CTNND2: variants seen among roughly 807,000 people sequenced by gnomAD.
CTNND2 encodes the protein catenin delta 2.
Under a neutral mutation model 144.4 loss-of-function variants are expected in CTNND2, and 22 were observed. The observed-to-expected ratio is 0.15, with a 90% confidence interval of 0.11 to 0.22. CTNND2 has a LOEUF of 0.22. CTNND2 is among the 10% of genes least tolerant of loss of function. The probability of loss-of-function intolerance (pLI) is 1.00; values close to 1 mark genes in which losing one functional copy is unlikely to be tolerated. For synonymous variants in CTNND2, 751 were observed against 695.6 expected (o/e 1.08, Z -1.25); for missense variants, 1,353 against 1,618.8 (o/e 0.84, Z 2.82).
At chr5:11,213,932 T>G (rs951749934) in intron 10 of CTNND2, among the ~76,000 whole-genome samples, 1 of 152,228 alleles carries the variant, frequency 6.6e-6, no homozygotes, top group Non-Finnish European at 1.5e-5. Flanking sequence ...TTCTCCTCCT[T>G]CCCTCACCAA....
intron 1 of CTNND2, among the ~76,000 whole-genome samples, chr5:11,761,326 AT>A (rs1199073277): frequency 6.6e-6 from 1 of 152,176 alleles, no homozygotes; most frequent in Non-Finnish European, 1.5e-5. Context: ...TCATTATCTA[AT>A]TTCTGTGTAC....
intron 3 of CTNND2, among the ~76,000 whole-genome samples, chr5:11,495,941 C>G (rs1217263185): frequency 2.0e-5 from 3 of 152,172 alleles, no homozygotes; most frequent in African/African-American, 7.2e-5. Context: ...ACAAGAGGAC[C>G]TGTGTATCTG....
chr5:11,898,757 A>G (rs951490563), intron 1 of CTNND2, among the ~76,000 whole-genome samples: 6 of 152,236 alleles, frequency 3.9e-5, no homozygotes, highest in Non-Finnish European at 7.3e-5. Flanking sequence ...CTGGTAACTT[A>G]TAATTGGCAG....
chr5:11,577,233 G>A (rs563420645), intron 2 of CTNND2, among the ~76,000 whole-genome samples: 4 of 152,224 alleles, frequency 2.6e-5, no homozygotes, highest in African/African-American at 9.6e-5. Flanking sequence ...TAAAACAGCA[G>A]TAGGGCAACA....
chr5:11,510,972 G>C (rs947778750), intron 3 of CTNND2, among the ~76,000 whole-genome samples: 1 of 151,882 alleles, frequency 6.6e-6, no homozygotes, highest in African/African-American at 2.4e-5. Context: ...TATTTCTCTA[G>C]CTTTCATCAC....
intron 12 of CTNND2, among the ~76,000 whole-genome samples, chr5:11,119,554 G>A: frequency 6.6e-6 from 1 of 152,186 alleles, no homozygotes; most frequent in East Asian, 1.9e-4. Flanking sequence ...GTGGTGACAG[G>A]CATTTGGATA....
intron 3 of CTNND2, among the ~76,000 whole-genome samples, chr5:11,507,841 G>A (rs1475794433): frequency 6.6e-6 from 1 of 152,156 alleles, no homozygotes; most frequent in East Asian, 1.9e-4. Flanking sequence ...CAAAAATGGA[G>A]TGGCATGTTC....
chr5:11,592,506 A>G (rs1295132294), intron 2 of CTNND2, among the ~76,000 whole-genome samples: 2 of 152,128 alleles, frequency 1.3e-5, no homozygotes, highest in African/African-American at 4.8e-5. Flanking sequence ...GTTTCCAGGA[A>G]AGAAGTACAA....
rs1017499541 is a variant in CTNND2, at chr5:11,831,066, A to C, written c.37+72751T>G. On this transcript the variant is annotated intron_variant, in intron 1 of 21. Coordinates refer to ENST00000304623, the MANE Select transcript of CTNND2 (RefSeq NM_001332.4). Reference sequence around the variant, plus strand: ...AGAGTATGTTTGTGTGTGTGTGTTTATGTGTGTCTGCTGGGTTGGAAGACT... The same window carrying C: ...AGAGTATGTTTGTGTGTGTGTGTTTCTGTGTGTCTGCTGGGTTGGAAGACT... 5.3e-5 allele frequency among the ~76,000 whole-genome samples: 8 copies of C among 152,194 alleles called. No homozygotes were observed. In the East Asian group the frequency reaches 1.5e-3, roughly 29 times the overall value.
intron 9 of CTNND2, among the ~76,000 whole-genome samples, chr5:11,284,688 T>C (rs904523462): frequency 4.6e-5 from 7 of 152,364 alleles, no homozygotes; most frequent in Admixed American, 4.6e-4. Context: ...GTTGATTCCA[T>C]GTCTTTGCTA....
At chr5:11,605,832 G>A (rs983743538) in intron 2 of CTNND2, among the ~76,000 whole-genome samples, 18 of 152,110 alleles carry the variant, frequency 1.2e-4, no homozygotes, top group African/African-American at 4.1e-4. Flanking sequence ...GAATTCTAAA[G>A]ATGTCCCCCG....
intron 11 of CTNND2, among the ~76,000 whole-genome samples, chr5:11,163,900 T>G (rs773444614): frequency 7.9e-5 from 12 of 152,226 alleles, no homozygotes; most frequent in Non-Finnish European, 1.2e-4. Flanking sequence ...TATTTCCAAC[T>G]GCTGCCTTAA....
intron 1 of CTNND2, among the ~76,000 whole-genome samples, chr5:11,758,696 T>C (rs945478980): frequency 2.0e-5 from 3 of 152,082 alleles, no homozygotes; most frequent in Non-Finnish European, 4.4e-5. Flanking sequence ...TAAACAGGTT[T>C]AAATTATCAT....
At chr5:11,015,546 T>C (rs985669687) in intron 18 of CTNND2, among the ~76,000 whole-genome samples, 6 of 152,156 alleles carry the variant, frequency 3.9e-5, no homozygotes, top group Non-Finnish European at 7.4e-5. Flanking sequence ...TTCATGGAAA[T>C]AGACAGACAA....
intron 2 of CTNND2, among the ~76,000 whole-genome samples, chr5:11,717,573 T>TA (rs1786423001): frequency 7.6e-6 from 1 of 132,242 alleles, no homozygotes; most frequent in African/African-American, 2.9e-5. Flanking sequence ...CAAGAGACTG[T>TA]GAAAAAAAAA....
chr5:11,588,847 C>T (rs968039169), intron 2 of CTNND2: 2 of 985,294 alleles, frequency 2.0e-6, no homozygotes, highest in Middle Eastern at 1.0e-3. Context: ...CTTCCCCAGG[C>T]TGTGGAGCAG....
intron 9 of CTNND2, among the ~76,000 whole-genome samples, chr5:11,320,245 G>C (rs1489598395): frequency 6.6e-6 from 1 of 152,154 alleles, no homozygotes. Context: ...GTGGTTGGCA[G>C]GTTTTGACAG....
chr5:11,635,223 G>C (rs1011543058), intron 2 of CTNND2, among the ~76,000 whole-genome samples: 1 of 152,088 alleles, frequency 6.6e-6, no homozygotes, highest in South Asian at 2.1e-4. Context: ...AGATTTAGAA[G>C]AATATGGAAC....
chr5:11,898,782 C>T (rs895587281), intron 1 of CTNND2, among the ~76,000 whole-genome samples: 2 of 152,268 alleles, frequency 1.3e-5, no homozygotes, highest in East Asian at 1.9e-4. Context: ...CACAACAACA[C>T]ATAAATTTGA....
Sources: gnomAD v4.1 joint callset for allele counts (sites outside exome capture counted in the v4.1 genomes callset) on GRCh38, gnomAD v4.1.1 for gene constraint, MANE v1.5 for transcripts, NCBI Gene and HGNC (gene_info 2026-07-23, HGNC 2026-07-21) for gene names.